Variants in MYO1H observed in about 807,000 individuals in gnomAD.
MYO1H encodes the protein myosin IH.
In MYO1H, 118 loss-of-function variants were observed where a neutral mutation model predicts 149.3. The ratio of observed to expected loss-of-function variants is 0.79; its 90% CI spans 0.68 to 0.92. The LOEUF (loss-of-function observed/expected upper bound fraction) is 0.92, where lower values mean the gene tolerates loss of function less well. Ranked by LOEUF, MYO1H falls within the 40% of genes least tolerant of loss-of-function variation. MYO1H has a pLI of 0.00. For missense variants in MYO1H, 1,212 were observed against 1,280.7 expected (o/e 0.95, Z 0.82); for synonymous variants, 447 against 465.2 (o/e 0.96, Z 0.50).
At chr12:109,418,975 CTT>C (rs1404960999) in intron 15 of MYO1H, among the ~76,000 whole-genome samples, 2 of 152,050 alleles carry the variant, frequency 1.3e-5, no homozygotes, top group African/African-American at 4.8e-5. Flanking sequence ...GGATGAGTCT[CTT>C]TGTGCAGATA....
At position 109,425,685 on chromosome 12, in the gene MYO1H, C is replaced by T. The variant is rs558350108; in HGVS notation, c.1726-261C>T. Among the ~76,000 whole-genome samples the T allele has an allele frequency of 2.6e-5, 4 of 152,286 alleles. No individual in the cohort carries two copies. In the South Asian group the frequency reaches 8.3e-4, roughly 32 times the overall value. On this transcript the variant is annotated intron_variant, in intron 17 of 31. Transcript: ENST00000310903. ...GCAGAACTGGTTCCTGCTGGGCACT[C>T]ACCACGTCTTTGCTGAGCAAGTGAG...
intron 31 of MYO1H, 96 bp from the exon 32 acceptor site, chr12:109,447,063 C>G: frequency 7.9e-7 from 1 of 1,273,126 alleles, no homozygotes; most frequent in Non-Finnish European, 1.1e-6. Context: ...CCCTCCACAC[C>G]CACCTTGCTA....
At chr12:109,320,847 TGA>T in the MYO1H span, among the ~76,000 whole-genome samples, 14 of 151,958 alleles carry the variant, frequency 9.2e-5, no homozygotes, top group Non-Finnish European at 1.9e-4. Flanking sequence ...CCCAGCACTT[TGA>T]GAGGCCGAGG....
chr12:109,397,810 C>T lies in MYO1H; in HGVS notation c.568C>T (p.Gln190Ter). 6.2e-7 allele frequency: 1 copy of T among 1,606,724 alleles called. No homozygotes were observed. The highest frequency in any genetic ancestry group is 8.5e-7 in the Non-Finnish European group (1 of 1,176,228). Residue 190 changes from glutamine (Q) to a stop codon, truncating the protein, a stop_gained and splice_region_variant, in exon 5 of 32, where the codon CAG (glutamine) becomes TAG (stop). Coordinates refer to ENST00000310903, the Ensembl canonical transcript of MYO1H. LOFTEE classifies it high-confidence loss of function. The stretch of plus-strand genomic sequence containing the variant: ...ATACATGGATATACAATTTGATTTT[C>T]AGGTACACTGAAGCTCCTATTACTG...
At chr12:109,314,061 T>C in the MYO1H span, among the ~76,000 whole-genome samples, 1 of 152,100 alleles carries the variant, frequency 6.6e-6, no homozygotes, top group Non-Finnish European at 1.5e-5. Flanking sequence ...ATTTTTGTAT[T>C]TTTAGTAGAC....
chr12:109,443,126 G>A (rs781553003), intron 27 of MYO1H, among the ~76,000 whole-genome samples: 1 of 7,712 alleles, frequency 1.3e-4, no homozygotes, highest in Admixed American at 1.3e-3. Context: ...ATATGTGTAC[G>A]TATATATGTG....
At chr12:109,431,054 CAAA>C (rs772066497) in intron 19 of MYO1H, among the ~76,000 whole-genome samples, 3 of 110,994 alleles carry the variant, frequency 2.7e-5, no homozygotes, top group Non-Finnish European at 5.6e-5. Context: ...GACTCCATCT[CAAA>C]AAAAAAAAAA....
chr12:109,377,864 AATC>A (rs1220439181), intron 1 of MYO1H, among the ~76,000 whole-genome samples: 2 of 152,168 alleles, frequency 1.3e-5, no homozygotes, highest in East Asian at 3.8e-4. Context: ...CCAGGATAAT[AATC>A]ATCTCATGGC....
the MYO1H span, among the ~76,000 whole-genome samples, chr12:109,323,181 A>C: frequency 1.3e-5 from 2 of 152,182 alleles, no homozygotes; most frequent in South Asian, 4.1e-4. Flanking sequence ...ATGGGGACTT[A>C]ACACGTGCAA....
At chr12:109,317,054 T>C in the MYO1H span, among the ~76,000 whole-genome samples, 1 of 152,198 alleles carries the variant, frequency 6.6e-6, no homozygotes, top group Non-Finnish European at 1.5e-5. Context: ...AGGAAGGAAG[T>C]TGTCATGCAT....
chr12:109,373,707 TCA>T (rs901319896), intron 1 of MYO1H, among the ~76,000 whole-genome samples: 11 of 152,136 alleles, frequency 7.2e-5, no homozygotes, highest in African/African-American at 2.7e-4. Context: ...TTACAAAATA[TCA>T]CACACAGAAG....
the MYO1H span, among the ~76,000 whole-genome samples, chr12:109,326,935 C>A: frequency 8.6e-5 from 13 of 152,014 alleles, no homozygotes; most frequent in East Asian, 2.1e-3. Context: ...ACTTTCCCCC[C>A]ACTCTATGAA....
chr12:109,332,824 T>TC, the MYO1H span, among the ~76,000 whole-genome samples: 10 of 152,126 alleles, frequency 6.6e-5, no homozygotes, highest in Non-Finnish European at 1.5e-4. Flanking sequence ...GCTTAAGCAG[T>TC]CCTCCTGCCT....
chr12:109,439,956 G>A (rs560568971), intron 24 of MYO1H, among the ~76,000 whole-genome samples, 166 bp downstream of exon 24: 1 of 152,188 alleles, frequency 6.6e-6, no homozygotes, highest in Non-Finnish European at 1.5e-5. Flanking sequence ...CAGAATTTGC[G>A]ATGTCCTTAG....
At chr12:109,415,973 C>T (rs769535973) in intron 15 of MYO1H, among the ~76,000 whole-genome samples, 3 of 150,824 alleles carry the variant, frequency 2.0e-5, no homozygotes, top group Admixed American at 6.6e-5. Context: ...GAGAGAGTCT[C>T]GCTGTGTTGC....
At chr12:109,425,564 C>T (rs1173879471) in intron 17 of MYO1H, among the ~76,000 whole-genome samples, 2 of 152,064 alleles carry the variant, frequency 1.3e-5, no homozygotes, top group Non-Finnish European at 2.9e-5. Flanking sequence ...TAAGAAAATA[C>T]CATCAAATAA....
At chr12:109,400,266 G>C (rs1042568221) in intron 5 of MYO1H, among the ~76,000 whole-genome samples, 25 of 152,146 alleles carry the variant, frequency 1.6e-4, no homozygotes, top group African/African-American at 6.0e-4. Context: ...ATTTACATTG[G>C]ATTAAAGAAG....
intron 28 of MYO1H, 52 bp from the exon 29 acceptor site, chr12:109,444,156 TCTGTA>T: frequency 1.5e-6 from 2 of 1,337,990 alleles, no homozygotes; most frequent in Non-Finnish European, 2.2e-6. Flanking sequence ...CTCTTCTTCC[TCTGTA>T]CTAATGTCAA....
intron 10 of MYO1H, among the ~76,000 whole-genome samples, chr12:109,409,246 CTTTTTTTTT>C (rs66507410): frequency 1.5e-3 from 72 of 47,840 alleles, no homozygotes; most frequent in South Asian, 5.7e-3. Flanking sequence ...TCTTCTTCTT[CTTTTTTTTT>C]TTTTTTTTTT....
Sources: allele counts gnomAD v4.1 joint callset (sites outside exome capture counted in the v4.1 genomes callset), GRCh38; gene constraint gnomAD v4.1.1; transcripts MANE v1.5; gene names NCBI Gene and HGNC (gene_info 2026-07-23, HGNC 2026-07-21).